PRR16: variants seen among roughly 807,000 people sequenced by gnomAD.
The protein encoded by PRR16 is proline rich 16.
Under a neutral mutation model 18.2 loss-of-function variants are expected in PRR16, and 6 were observed. That is an observed-to-expected ratio of 0.33 (90% CI 0.18 to 0.65). PRR16 has a LOEUF of 0.65. PRR16 is among the 30% of genes least tolerant of loss of function. The pLI is 0.74. For missense variants in PRR16, 412 were observed against 376.6 expected (o/e 1.09, Z -0.78); for synonymous variants, 151 against 147.8 (o/e 1.02, Z -0.16).
intron 1 of PRR16, among the ~76,000 whole-genome samples, chr5:120,630,546 A>G (rs563002612): frequency 9.8e-5 from 14 of 143,228 alleles, no homozygotes; most frequent in African/African-American, 3.2e-4. Flanking sequence ...AAACCTAGGT[A>G]AAGTTTTTTA....
At chr5:120,623,988 G>T (rs1754779579) in intron 1 of PRR16, among the ~76,000 whole-genome samples, 1 of 151,920 alleles carries the variant, frequency 6.6e-6, no homozygotes, top group Non-Finnish European at 1.5e-5. Context: ...TTTTACAATT[G>T]TATGCTTAAT....
At chr5:120,643,849 A>G (rs967418758) in intron 1 of PRR16, among the ~76,000 whole-genome samples, 1 of 152,066 alleles carries the variant, frequency 6.6e-6, no homozygotes, top group African/African-American at 2.4e-5. Flanking sequence ...TTCTAAAAAT[A>G]TAAAAATTAG....
the PRR16 span, among the ~76,000 whole-genome samples, chr5:120,752,381 CAG>C: frequency 6.6e-6 from 1 of 151,964 alleles, no homozygotes; most frequent in African/African-American, 2.4e-5. Context: ...TACACAATAA[CAG>C]AGAAACCTGG....
At chr5:120,668,861 G>T (rs149188768) in intron 1 of PRR16, among the ~76,000 whole-genome samples, 1 of 152,024 alleles carries the variant, frequency 6.6e-6, no homozygotes, top group Non-Finnish European at 1.5e-5. Flanking sequence ...TGGGTAACCC[G>T]ACCTTTCTCT....
At chr5:120,499,683 T>G (rs1750382736) in intron 1 of PRR16, among the ~76,000 whole-genome samples, 1 of 152,146 alleles carries the variant, frequency 6.6e-6, no homozygotes. Context: ...ATGTTTATAA[T>G]TATTCTTTGA....
chr5:120,739,630 ACCC>A, the PRR16 span, among the ~76,000 whole-genome samples: 4 of 152,300 alleles, frequency 2.6e-5, no homozygotes, highest in South Asian at 8.3e-4. Context: ...GACGTCAACA[ACCC>A]TAAATTTAAA....
chr5:120,486,335 T>C (rs1021676928), intron 1 of PRR16, among the ~76,000 whole-genome samples: 19 of 151,746 alleles, frequency 1.3e-4, no homozygotes, highest in Middle Eastern at 3.4e-3. Context: ...TTTTAATGAT[T>C]GCCATTCTAA....
chr5:120,649,312 G>A (rs528820492), intron 1 of PRR16, among the ~76,000 whole-genome samples: 3 of 152,146 alleles, frequency 2.0e-5, no homozygotes, highest in Admixed American at 6.6e-5. Flanking sequence ...ATTTCTTGCC[G>A]ATTTACATTT....
intron 1 of PRR16, among the ~76,000 whole-genome samples, chr5:120,479,849 C>T (rs1749553618): frequency 1.3e-5 from 2 of 151,722 alleles, no homozygotes; most frequent in African/African-American, 4.8e-5. Context: ...TCTTAAGTAA[C>T]TGTGATACCT....
At chr5:120,640,573 G>T (rs1755389012) in intron 1 of PRR16, among the ~76,000 whole-genome samples, 1 of 152,140 alleles carries the variant, frequency 6.6e-6, no homozygotes, top group Non-Finnish European at 1.5e-5. Flanking sequence ...TTTATACACA[G>T]ATGGGGAATT....
At chr5:120,509,592 T>C (rs1750755546) in intron 1 of PRR16, among the ~76,000 whole-genome samples, 2 of 152,124 alleles carry the variant, frequency 1.3e-5, no homozygotes, top group Admixed American at 1.3e-4. Flanking sequence ...ATCTAGGCAT[T>C]ATCTGGTTGG....
intron 1 of PRR16, among the ~76,000 whole-genome samples, chr5:120,649,647 T>C (rs1191977753): frequency 6.6e-6 from 1 of 152,152 alleles, no homozygotes; most frequent in African/African-American, 2.4e-5. Flanking sequence ...TAATTTGCAA[T>C]ATAATATGGG....
rs1248661411 is a variant in PRR16 at position 120,468,930 on chromosome 5, ACT to A, written c.159+4288_159+4289del. Among the ~76,000 whole-genome samples the A allele has an allele frequency of 2.0e-5, 3 of 152,184 alleles. No individual in the cohort carries two copies. In the East Asian group the frequency reaches 5.8e-4, roughly 29 times the overall value. On this transcript the variant is annotated intron_variant, in intron 1 of 1. Coordinates refer to ENST00000407149, the MANE Select transcript of PRR16 (RefSeq NM_001300783.2). ...TTGAGAGGCTTTCTGAATAGACATG[ACT>A]CTAACAGAGAAACTAAAATAAAGTT...
At chr5:120,725,651 T>A in the PRR16 span, among the ~76,000 whole-genome samples, 1 of 152,142 alleles carries the variant, frequency 6.6e-6, no homozygotes, top group South Asian at 2.1e-4. Context: ...CATTCCAGCC[T>A]GAGTGACAGA....
chr5:120,764,775 A>G, the PRR16 span, among the ~76,000 whole-genome samples: 1 of 152,132 alleles, frequency 6.6e-6, no homozygotes, highest in East Asian at 1.9e-4. Context: ...TGTCAAAGGT[A>G]TTTCATTTCG....
chr5:120,792,663 T>A, the PRR16 span, among the ~76,000 whole-genome samples: 1 of 152,184 alleles, frequency 6.6e-6, no homozygotes, highest in South Asian at 2.1e-4. Context: ...TTATTATGTT[T>A]ACTTAGGTAA....
chr5:120,486,114 G>A (rs1250888323), intron 1 of PRR16, among the ~76,000 whole-genome samples: 1 of 152,080 alleles, frequency 6.6e-6, no homozygotes. Context: ...AAACATACAT[G>A]TGCATGTGTC....
the PRR16 span, among the ~76,000 whole-genome samples, chr5:120,707,121 C>G: frequency 1.3e-5 from 2 of 152,144 alleles, no homozygotes; most frequent in Non-Finnish European, 2.9e-5. Context: ...AAACTAAATG[C>G]TCTAAGAAAA....
At chr5:120,505,922 A>G (rs1750628123) in intron 1 of PRR16, among the ~76,000 whole-genome samples, 1 of 144,162 alleles carries the variant, frequency 6.9e-6, no homozygotes, top group Non-Finnish European at 1.5e-5. Flanking sequence ...TAGGGATGAT[A>G]TATATGTGTG....
Sources: gnomAD v4.1 joint callset for allele counts (sites outside exome capture counted in the v4.1 genomes callset) on GRCh38, gnomAD v4.1.1 for gene constraint, MANE v1.5 for transcripts, NCBI Gene and HGNC (gene_info 2026-07-23, HGNC 2026-07-21) for gene names.